MGAT4C: variants seen among roughly 807,000 people sequenced by gnomAD.
MGAT4C encodes MGAT4 family member C.
A neutral mutation model predicts 40.1 loss-of-function variants in MGAT4C; 19 were observed. The ratio of observed to expected loss-of-function variants is 0.47; its 90% confidence interval spans 0.33 to 0.70. MGAT4C has a LOEUF of 0.70. Ranked by LOEUF, MGAT4C falls within the 30% of genes least tolerant of loss-of-function variation. The pLI is 0.02. For missense variants in MGAT4C, 491 were observed against 563.2 expected (o/e 0.87, Z 1.30); for synonymous variants, 181 against 187.1 (o/e 0.97, Z 0.27).
At chr12:86,388,346 A>G (rs899233694) in intron 3 of MGAT4C, among the ~76,000 whole-genome samples, 4 of 152,110 alleles carry the variant, frequency 2.6e-5, no homozygotes, top group South Asian at 4.1e-4. Flanking sequence ...GAAATGCATT[A>G]TAATTTCCAA....
chr12:86,622,426 A>C lies in MGAT4C; in HGVS notation c.-229+104783T>G, dbSNP rs144116358. 1.7e-3 allele frequency among the ~76,000 whole-genome samples: 263 copies of C among 152,272 alleles called. 1 individual carries two copies. Among genetic ancestry groups the C allele is most frequent in the Non-Finnish European group, 2.7e-3 (181 of 68,006 alleles). Reference sequence around the variant, plus strand: ...ACTAGGTCATAGAAAGTCTCATGTGAAATATTTAGAGTGAAAAAAACCTAA... The same window carrying C: ...ACTAGGTCATAGAAAGTCTCATGTGCAATATTTAGAGTGAAAAAAACCTAA... On this transcript the variant is annotated intron_variant, in intron 2 of 7. Transcript: ENST00000548651.
chr12:86,154,334 C>T (rs1395995098), intron 1 of MGAT4C, among the ~76,000 whole-genome samples: 5 of 152,222 alleles, frequency 3.3e-5, no homozygotes, highest in South Asian at 2.1e-4. Context: ...ATGAGATGTT[C>T]GTTAATGCTG....
intron 3 of MGAT4C, among the ~76,000 whole-genome samples, chr12:86,344,688 TAGAC>T (rs1566305625): frequency 2.0e-5 from 3 of 150,716 alleles, no homozygotes; most frequent in South Asian, 2.1e-4. Flanking sequence ...AAGTGTTAAA[TAGAC>T]AGCAATATAG....
chr12:85,980,464 G>T, intron 4 of MGAT4C, 34 bp from the exon 5 acceptor site: 1 of 1,512,262 alleles, frequency 6.6e-7, no homozygotes, highest in Non-Finnish European at 8.9e-7. Context: ...ATACAAATGT[G>T]AACTAGAAAT....
rs1324739608 is a variant in MGAT4C, at chr12:86,011,794, A to T, written c.-6-22242T>A. ...ACTATATTGAACATGGCAGACACAA[A>T]CTCACCATCCTTTACCAGCTCCAAG... On this transcript the variant is annotated intron_variant, in intron 2 of 4. Transcript: ENST00000611864. 3.1e-6 allele frequency: 3 copies of T among 979,058 alleles called. No homozygotes were observed. The East Asian group carries it at 3.4e-4, about 111-fold the overall frequency. The allele number at this position is 979,058 out of a possible 1,614,324, so 60.6% of individuals were successfully genotyped here.
At chr12:85,994,636 CAAACAAA>C (rs996077923) in intron 2 of MGAT4C, among the ~76,000 whole-genome samples, 23 of 151,588 alleles carry the variant, frequency 1.5e-4, no homozygotes, top group African/African-American at 5.3e-4. Flanking sequence ...CGCCAAAAAA[CAAACAAA>C]AAACAAAAAA....
At chr12:86,433,570 T>C (rs1389551455) in intron 3 of MGAT4C, among the ~76,000 whole-genome samples, 1 of 151,968 alleles carries the variant, frequency 6.6e-6, no homozygotes, top group Non-Finnish European at 1.5e-5. Flanking sequence ...AATGACTTTT[T>C]TTCCCCTCAG....
chr12:86,767,163 T>C (rs1046544249), intron 1 of MGAT4C, among the ~76,000 whole-genome samples: 3 of 151,810 alleles, frequency 2.0e-5, no homozygotes, highest in Admixed American at 2.0e-4. Context: ...ATAGACACAA[T>C]AAAAAATGAT....
intron 3 of MGAT4C, among the ~76,000 whole-genome samples, chr12:86,428,682 A>G (rs1168090084): frequency 6.6e-6 from 1 of 152,122 alleles, no homozygotes; most frequent in Non-Finnish European, 1.5e-5. Flanking sequence ...CTATTTATTA[A>G]TGATTCAGTC....
At chr12:86,173,611 T>A (rs926514674) in intron 1 of MGAT4C, among the ~76,000 whole-genome samples, 2 of 152,172 alleles carry the variant, frequency 1.3e-5, no homozygotes, top group Admixed American at 1.3e-4. Context: ...AGTAATCCAA[T>A]ATTTTATTTG....
chr12:86,590,070 A>G (rs1002851796), intron 2 of MGAT4C, among the ~76,000 whole-genome samples: 2 of 151,962 alleles, frequency 1.3e-5, no homozygotes, highest in African/African-American at 4.8e-5. Flanking sequence ...TCCCTTTAAC[A>G]AAGGGAGAGG....
intron 1 of MGAT4C, among the ~76,000 whole-genome samples, chr12:86,239,996 T>A (rs1472069318): frequency 6.8e-6 from 1 of 148,068 alleles, no homozygotes; most frequent in Non-Finnish European, 1.5e-5. Flanking sequence ...CTGCACAATG[T>A]GCACACGTAC....
chr12:86,487,501 A>C (rs981296842), intron 2 of MGAT4C, among the ~76,000 whole-genome samples: 2 of 152,176 alleles, frequency 1.3e-5, no homozygotes, highest in African/African-American at 4.8e-5. Flanking sequence ...TTTAGAAAAC[A>C]AGTATTTCCG....
At chr12:86,528,356 C>A (rs1450460713) in intron 2 of MGAT4C, among the ~76,000 whole-genome samples, 1 of 151,948 alleles carries the variant, frequency 6.6e-6, no homozygotes, top group Non-Finnish European at 1.5e-5. Flanking sequence ...TTCTCAGAGA[C>A]AAGGGATTTT....
intron 2 of MGAT4C, among the ~76,000 whole-genome samples, chr12:86,435,888 T>C (rs1957127890): frequency 1.3e-5 from 2 of 151,900 alleles, no homozygotes; most frequent in African/African-American, 4.8e-5. Flanking sequence ...ATTGGCTTTT[T>C]TGAAATTTTT....
At chr12:86,163,206 C>A (rs762196260) in intron 1 of MGAT4C, among the ~76,000 whole-genome samples, 2 of 152,000 alleles carry the variant, frequency 1.3e-5, no homozygotes, top group Admixed American at 6.6e-5. Flanking sequence ...ATCCTCCCCC[C>A]CTTTTTTTTC....
At chr12:86,431,800 C>T (rs552002826) in intron 3 of MGAT4C, among the ~76,000 whole-genome samples, 16 of 152,230 alleles carry the variant, frequency 1.1e-4, no homozygotes, top group African/African-American at 3.6e-4. Flanking sequence ...ATAACACCTT[C>T]GCACCATTGT....
At chr12:86,479,093 A>T (rs911708836) in intron 2 of MGAT4C, among the ~76,000 whole-genome samples, 4 of 152,160 alleles carry the variant, frequency 2.6e-5, no homozygotes, top group South Asian at 2.1e-4. Context: ...TATCTTAAAA[A>T]ATCAAATTCT....
At chr12:86,553,668 C>T (rs1198563808) in intron 2 of MGAT4C, among the ~76,000 whole-genome samples, 2 of 152,132 alleles carry the variant, frequency 1.3e-5, no homozygotes, top group Admixed American at 1.3e-4. Flanking sequence ...TGCTTGAACA[C>T]ATGACTACAC....
Sources: gnomAD v4.1 joint callset for allele counts (sites outside exome capture counted in the v4.1 genomes callset) on GRCh38, gnomAD v4.1.1 for gene constraint, MANE v1.5 for transcripts, NCBI Gene and HGNC (gene_info 2026-07-23, HGNC 2026-07-21) for gene names.